Variants in NLRP13 observed in about 807,000 individuals in gnomAD.
NLRP13 encodes NLR family pyrin domain containing 13, also known as NACHT, LRR and PYD domains-containing protein 13.
NLRP13 carries 82 observed loss-of-function variants against 94.4 expected under a neutral mutation model. That is an observed-to-expected ratio of 0.87 (90% CI 0.73 to 1.04). The LOEUF is 1.04. Ranked by LOEUF, NLRP13 falls within the 50% of genes least tolerant of loss-of-function variation. The pLI, the probability that NLRP13 is intolerant of heterozygous loss-of-function variation, is 0.00. For missense variants in NLRP13, 1,426 were observed against 1,230.8 expected (o/e 1.16, Z -2.37); for synonymous variants, 553 against 464.7 (o/e 1.19, Z -2.45).
chr19:55,912,149 G>A lies in NLRP13; in HGVS notation c.1668C>T (p.Phe556=). 1 of 1,614,154 alleles carries A rather than the reference G, an allele frequency of 6.2e-7. No homozygotes were observed. Reference sequence around the variant, plus strand: ...CTTGTGGCTTTGTGGAATGGGGAGGGAATTCTCTAGGTTCCTCTAGCACAA... The same window carrying A: ...CTTGTGGCTTTGTGGAATGGGGAGGAAATTCTCTAGGTTCCTCTAGCACAA... ...MSFVLEEPRE[F]PPHSTKPQEM... Residue 556 remains phenylalanine, a synonymous_variant, in exon 5 of 11, where the codon TTC becomes TTT. Transcript: ENST00000342929.
rs1290587578 is a variant in NLRP13 at position 55,907,971 on chromosome 19, G to A, written c.2283-15C>T. 1 of 1,585,416 alleles carries A rather than the reference G, an allele frequency of 6.3e-7. No individual in the cohort carries two copies. Among genetic ancestry groups the A allele is most frequent in the South Asian group, 1.1e-5 (1 of 88,000 alleles). On this transcript the variant is annotated splice_polypyrimidine_tract_variant and intron_variant, in intron 6 of 10. Transcript: ENST00000342929. ...CCGATTTGCACCTGAGGAAGGGAAG[G>A]GACATGAAAGCTGGATTGGGGGAGA...
At chr19:55,923,722 G>A (rs1986897570) in intron 4 of NLRP13, among the ~76,000 whole-genome samples, 192 bp downstream of exon 4, 1 of 152,090 alleles carries the variant, frequency 6.6e-6, no homozygotes, top group East Asian at 1.9e-4. Flanking sequence ...TCGTTGTTCG[G>A]CCAGGGTCTG....
At chr19:55,899,740 A>G (rs1229324224) in intron 9 of NLRP13, among the ~76,000 whole-genome samples, 8 of 152,254 alleles carry the variant, frequency 5.3e-5, no homozygotes, top group African/African-American at 1.9e-4. Flanking sequence ...AGATTGCACC[A>G]TTGTACTCCA....
intron 10 of NLRP13, 49 bp from the exon 11 acceptor site, chr19:55,896,168 G>A: frequency 6.3e-7 from 1 of 1,590,140 alleles, no homozygotes; most frequent in Non-Finnish European, 8.6e-7. Context: ...CTGAGACTGG[G>A]AAGTTAGAAA....
intron 1 of NLRP13, among the ~76,000 whole-genome samples, chr19:55,929,750 G>A (rs1277236394): frequency 1.3e-5 from 2 of 151,974 alleles, no homozygotes; most frequent in South Asian, 2.1e-4. Flanking sequence ...TTGTGCACAT[G>A]TACCCTAAAA....
At chr19:55,918,620 A>C (rs1282770353) in intron 4 of NLRP13, among the ~76,000 whole-genome samples, 2 of 152,084 alleles carry the variant, frequency 1.3e-5, no homozygotes, top group Non-Finnish European at 2.9e-5. Flanking sequence ...CTAAAAACCC[A>C]AGAAGAAATA....
chr19:55,910,262 C>T (rs535304986), intron 6 of NLRP13, among the ~76,000 whole-genome samples: 41 of 152,310 alleles, frequency 2.7e-4, no homozygotes, highest in Non-Finnish European at 5.7e-4. Flanking sequence ...TGCTTTGAGT[C>T]CACCATACCC....
rs143540482 is a variant in NLRP13 at position 55,932,002 on chromosome 19, C to G, written c.310G>C (p.Glu104Gln). The G allele has an allele frequency of 1.7e-5, 28 of 1,613,246 alleles. No homozygotes were observed. In the African/African-American group the frequency reaches 2.1e-4, roughly 12 times the overall value. ...LTSLCEKVRA[E>Q]MKENVQTQEL... ...TCTTGAGGACTCTCACCTTTCATCTCGGCTCTAACTTTCTCACACAGTGAG... is the reference window on the plus strand; with the variant it reads ...TCTTGAGGACTCTCACCTTTCATCTGGGCTCTAACTTTCTCACACAGTGAG... Residue 104 changes from glutamate to glutamine, a missense_variant, in exon 1 of 11, where the codon GAG (glutamate) becomes CAG (glutamine). Transcript: ENST00000342929.
chr19:55,906,963 ATTATTTT>A (rs909757377), intron 7 of NLRP13, among the ~76,000 whole-genome samples: 10 of 66,274 alleles, frequency 1.5e-4, no homozygotes, highest in African/African-American at 8.3e-4. Context: ...GATCTGTATT[ATTATTTT>A]TTTTTTTGAG....
At chr19:55,906,752 A>G (rs1038775612) in intron 7 of NLRP13, among the ~76,000 whole-genome samples, 7 of 67,326 alleles carry the variant, frequency 1.0e-4, no homozygotes, top group Admixed American at 1.5e-4. Flanking sequence ...CTGTGTTTAC[A>G]GACCCCCCCC....
rs34099048 is a variant in NLRP13, at chr19:55,918,253, C to CA, written c.524-4961dup. The stretch of plus-strand genomic sequence containing the variant: ...ACATATCAAAACCTCTGTGATACAG[C>CA]AAAAAAAAAAAAAAAGTTTATAGCA... On this transcript the variant is annotated intron_variant, in intron 4 of 10. Transcript: ENST00000342929. Among the ~76,000 whole-genome samples the CA allele has an allele frequency of 8.0e-3, 1,052 of 130,778 alleles. 7 individuals carry two copies. Among genetic ancestry groups the CA allele is most frequent in the Admixed American group, 0.012 (148 of 12,828 alleles). 85.8% of individuals were successfully genotyped at this position (130,778 alleles called of 152,430 possible).
chr19:55,895,878 G>A, downstream of NLRP13: 1 of 1,524,108 alleles, frequency 6.6e-7, no homozygotes, highest in Non-Finnish European at 8.9e-7. Context: ...CCTGACACAT[G>A]CTCTAGAAGC....
In NLRP13 at chr19:55,913,163, T is replaced by C; in HGVS notation, c.654A>G (p.Leu218=). ...GGGCTCTAGTCCTATTAGGATCCAGTAGGCGCTGCAGTTCCTCATGTTCGT... is the reference window on the plus strand; with the variant it reads ...GGGCTCTAGTCCTATTAGGATCCAGCAGGCGCTGCAGTTCCTCATGTTCGT... ...SKDEHEELQR[L]LDPNRTRAQA... The change falls in exon 5 of 11, where the codon CTA becomes CTG. Residue 218 remains leucine (L), a synonymous_variant. Coordinates refer to ENST00000342929, the MANE Select transcript of NLRP13 (RefSeq NM_176810.2). 11 of 1,614,166 alleles carry C rather than the reference T, an allele frequency of 6.8e-6. No homozygotes were observed. The highest frequency in any genetic ancestry group is 1.1e-5 in the South Asian group (1 of 91,074).
chr19:55,909,669 ACACAAGTGGCTCT>A (rs1986450126), intron 6 of NLRP13, among the ~76,000 whole-genome samples: 1 of 152,210 alleles, frequency 6.6e-6, no homozygotes, highest in Admixed American at 6.5e-5. Flanking sequence ...AGGTACACAC[ACACAAGTGGCTCT>A]CACCAGGTTG....
chr19:55,916,515 A>C (rs1986679646), intron 4 of NLRP13, among the ~76,000 whole-genome samples: 1 of 152,212 alleles, frequency 6.6e-6, no homozygotes, highest in Admixed American at 6.5e-5. Flanking sequence ...TATCAAAGAG[A>C]TATTTTTGAG....
intron 4 of NLRP13, among the ~76,000 whole-genome samples, chr19:55,915,925 G>A (rs550512154): frequency 7.9e-5 from 12 of 152,258 alleles, no homozygotes; most frequent in African/African-American, 2.2e-4. Flanking sequence ...TAACCTGCAC[G>A]TGTCATCTAC....
intron 7 of NLRP13, 54 bp from the exon 8 acceptor site, chr19:55,905,166 T>C: frequency 6.3e-7 from 1 of 1,591,950 alleles, no homozygotes. Flanking sequence ...CAGGTTCCTC[T>C]ACCTTTCTCT....
intron 7 of NLRP13, 152 bp downstream of exon 7, chr19:55,907,640 A>G: frequency 1.4e-6 from 1 of 696,760 alleles, no homozygotes. Flanking sequence ...TTTGAGAACC[A>G]CGGCTCTACA....
intron 4 of NLRP13, among the ~76,000 whole-genome samples, chr19:55,923,245 G>T (rs962082086): frequency 6.6e-6 from 1 of 152,170 alleles, no homozygotes; most frequent in Non-Finnish European, 1.5e-5. Flanking sequence ...AGAGAATCCC[G>T]TTTATAGTAA....
Sources: gnomAD v4.1 joint callset for allele counts (sites outside exome capture counted in the v4.1 genomes callset) on GRCh38, gnomAD v4.1.1 for gene constraint, MANE v1.5 for transcripts, NCBI Gene and HGNC (gene_info 2026-07-23, HGNC 2026-07-21) for gene names.